MAGI1: variants seen among roughly 807,000 people sequenced by gnomAD.
MAGI1 encodes membrane associated guanylate kinase, WW and PDZ domain containing 1.
A neutral mutation model predicts 139.9 loss-of-function variants in MAGI1; 58 were observed. That is an observed-to-expected ratio of 0.41 (90% CI 0.34 to 0.52). MAGI1 has a LOEUF of 0.52. MAGI1 is among the 20% of genes least tolerant of loss of function. The probability of loss-of-function intolerance (pLI) is 0.12; values close to 1 mark genes in which losing one functional copy is unlikely to be tolerated. For synonymous variants in MAGI1, 812 were observed against 737.9 expected (o/e 1.10, Z -1.63); for missense variants, 1,874 against 1,901.6 (o/e 0.99, Z 0.27).
At chr3:65,922,953 T>C (rs2062290755) in intron 1 of MAGI1, among the ~76,000 whole-genome samples, 1 of 152,156 alleles carries the variant, frequency 6.6e-6, no homozygotes, top group Admixed American at 6.5e-5. Context: ...CATTTTTTTC[T>C]TGATAACAGG....
chr3:65,941,049 T>C (rs2063290193), intron 1 of MAGI1, among the ~76,000 whole-genome samples: 1 of 152,170 alleles, frequency 6.6e-6, no homozygotes, highest in African/African-American at 2.4e-5. Flanking sequence ...CAAAGAATTA[T>C]AATTATATTG....
At chr3:65,838,284 C>T (rs934849895) in intron 1 of MAGI1, among the ~76,000 whole-genome samples, 2 of 152,052 alleles carry the variant, frequency 1.3e-5, no homozygotes, top group East Asian at 1.9e-4. Flanking sequence ...TGCAGTCCAG[C>T]CTGGGTGACA....
In MAGI1 at chr3:65,784,754, A is replaced by G. The variant is rs569910850; in HGVS notation, c.314-162666T>C. Among the ~76,000 whole-genome samples the G allele has an allele frequency of 4.6e-5, 7 of 152,248 alleles. No homozygotes were observed. In the East Asian group the frequency reaches 1.4e-3, roughly 29 times the overall value. On this transcript the variant is annotated intron_variant, in intron 1 of 22. Coordinates refer to ENST00000402939, the MANE Select transcript of MAGI1 (RefSeq NM_001033057.2). ...AAGAAAAGAAAAAAAAAAATGTGGTATAGTCAAACCACGGAATAATATTTG... is the reference window on the plus strand; with the variant it reads ...AAGAAAAGAAAAAAAAAAATGTGGTGTAGTCAAACCACGGAATAATATTTG...
intron 1 of MAGI1, among the ~76,000 whole-genome samples, chr3:65,741,235 C>T (rs962148230): frequency 2.6e-5 from 4 of 151,570 alleles, no homozygotes; most frequent in Non-Finnish European, 4.4e-5. Flanking sequence ...AGTGCAGTGG[C>T]GCGATCTCGG....
At chr3:65,830,210 C>A (rs1559922953) in intron 1 of MAGI1, among the ~76,000 whole-genome samples, 1 of 151,974 alleles carries the variant, frequency 6.6e-6, no homozygotes, top group Admixed American at 6.6e-5. Flanking sequence ...TTTGAGGCAT[C>A]GCAGTTGTTC....
At chr3:65,500,364 C>T (rs2077034814) in intron 2 of MAGI1, among the ~76,000 whole-genome samples, 2 of 152,174 alleles carry the variant, frequency 1.3e-5, no homozygotes, top group South Asian at 4.1e-4. Context: ...GTGAGTGTCT[C>T]AGAAAGAATT....
chr3:65,742,236 T>C (rs1318972434), intron 1 of MAGI1, among the ~76,000 whole-genome samples: 2 of 152,202 alleles, frequency 1.3e-5, no homozygotes, highest in Non-Finnish European at 1.5e-5. Flanking sequence ...GCACTTTCAA[T>C]GAATCAGGTT....
chr3:65,463,530 C>T (rs1949955286), intron 5 of MAGI1, among the ~76,000 whole-genome samples: 1 of 148,424 alleles, frequency 6.7e-6, no homozygotes, highest in African/African-American at 2.5e-5. Flanking sequence ...ATTTTCACAT[C>T]GATGTTCATC....
chr3:65,889,075 A>T lies in MAGI1; in HGVS notation c.313+148921T>A, dbSNP rs574762015. Among the ~76,000 whole-genome samples, 4 of 152,294 alleles carry T rather than the reference A, an allele frequency of 2.6e-5. No homozygotes were observed. In the South Asian group the frequency reaches 8.3e-4, roughly 32 times the overall value. On this transcript the variant is annotated intron_variant, in intron 1 of 22. Coordinates refer to ENST00000402939, the MANE Select transcript of MAGI1 (RefSeq NM_001033057.2). ...TATCAGATTCATAGCAGTTTTCCAA[A>T]ACCAAGAGACGCTAAAAGTACAACT...
intron 1 of MAGI1, among the ~76,000 whole-genome samples, chr3:65,781,020 AC>A (rs1198780425): frequency 1.3e-5 from 2 of 151,672 alleles, no homozygotes; most frequent in Non-Finnish European, 2.9e-5. Context: ...ACATAGTGAA[AC>A]CCCATCTCTA....
chr3:65,946,522 T>C (rs1252949881), intron 1 of MAGI1, among the ~76,000 whole-genome samples: 1 of 152,070 alleles, frequency 6.6e-6, no homozygotes, highest in Non-Finnish European at 1.5e-5. Context: ...AGGGTGGCAA[T>C]GACTTTCAGC....
chr3:65,477,715 T>A (rs888692314), intron 4 of MAGI1, among the ~76,000 whole-genome samples: 2 of 147,932 alleles, frequency 1.4e-5, no homozygotes, highest in African/African-American at 4.9e-5. Context: ...ATTATTATTT[T>A]TTTTTTTTTA....
chr3:65,401,596 T>C (rs1559525486), intron 12 of MAGI1, 126 bp from the exon 13 acceptor site: 1 of 1,552,014 alleles, frequency 6.4e-7, no homozygotes, highest in Non-Finnish European at 8.7e-7. Context: ...TTATGTCAGA[T>C]TTCTCCCCAG....
rs541251417 is a variant in MAGI1 at position 65,951,690 on chromosome 3, A to G, written c.313+86306T>C. ...TACAAGTGGTTCGCATTATATTTCT[A>G]TTGGACAGAACAGCTCTAGAGATTC... On this transcript the variant is annotated intron_variant, in intron 1 of 22. Coordinates refer to ENST00000402939, the MANE Select transcript of MAGI1 (RefSeq NM_001033057.2). Among the ~76,000 whole-genome samples the G allele has an allele frequency of 3.1e-4, 47 of 152,334 alleles. 1 individual carries two copies. The highest frequency in any genetic ancestry group is 1.1e-3 in the African/African-American group (46 of 41,586).
chr3:65,870,644 G>T (rs1438810494), intron 1 of MAGI1, among the ~76,000 whole-genome samples: 6 of 148,288 alleles, frequency 4.0e-5, no homozygotes, highest in Non-Finnish European at 7.4e-5. Flanking sequence ...GAGGCAGGGT[G>T]GGGGGGGTAG....
chr3:65,515,573 T>C (rs868789204), intron 2 of MAGI1, among the ~76,000 whole-genome samples: 7 of 152,154 alleles, frequency 4.6e-5, no homozygotes, highest in Non-Finnish European at 1.0e-4. Context: ...TCTTTTCAGA[T>C]ATAAAAAGTT....
intron 6 of MAGI1, chr3:65,452,792 G>C (rs4478029): frequency 0.72 from 112,192 of 156,742 alleles, 41,220 homozygotes; most frequent in East Asian, 0.98. Context: ...TCTCAAACAT[G>C]TCTAGATCTG....
chr3:65,424,955 A>G (rs11131019), intron 12 of MAGI1, among the ~76,000 whole-genome samples: 47,685 of 151,602 alleles, frequency 0.31, 10,073 homozygotes, highest in Non-Finnish European at 0.46. Context: ...ACATGCCTGT[A>G]GTCCTAGCTA....
chr3:65,878,169 G>A (rs2060189317), intron 1 of MAGI1, among the ~76,000 whole-genome samples: 1 of 151,928 alleles, frequency 6.6e-6, no homozygotes, highest in African/African-American at 2.4e-5. Context: ...ACTGGGCTTT[G>A]GCAAAACCTC....
Sources: gnomAD v4.1 joint callset for allele counts (sites outside exome capture counted in the v4.1 genomes callset) on GRCh38, gnomAD v4.1.1 for gene constraint, MANE v1.5 for transcripts, NCBI Gene and HGNC (gene_info 2026-07-23, HGNC 2026-07-21) for gene names.